Variants in GNAI1 observed in about 807,000 individuals in gnomAD.
GNAI1 encodes G protein subunit alpha i1.
A neutral mutation model predicts 38.9 loss-of-function variants in GNAI1; 11 were observed. That is an observed-to-expected ratio of 0.28 (90% CI 0.18 to 0.47). The LOEUF (loss-of-function observed/expected upper bound fraction) is 0.47, where lower values mean the gene tolerates loss of function less well. Ranked by LOEUF, GNAI1 falls within the 20% of genes least tolerant of loss-of-function variation. The pLI is 0.99. For synonymous variants in GNAI1, 166 were observed against 145.1 expected (o/e 1.14, Z -1.04); for missense variants, 317 against 436.9 (o/e 0.73, Z 2.45).
In GNAI1 at chr7:80,221,647, T is replaced by A. The variant is rs1162379591; in HGVS notation, c.*4154T>A. Among the ~76,000 whole-genome samples, 38 of 140,336 alleles carry A rather than the reference T, an allele frequency of 2.7e-4. No homozygotes were observed. The highest frequency in any genetic ancestry group is 7.2e-4 in the South Asian group (3 of 4,146). 92.1% of individuals were successfully genotyped at this position (140,336 alleles called of 152,430 possible). A position where few individuals can be genotyped will look rare whatever the true frequency, so the allele number is the denominator to read the frequency against. On this transcript the variant is annotated 3_prime_UTR_variant, in exon 8 of 8. Transcript: ENST00000649796. ...AGGTTGGAAATTTTCTTTTTTTTTT[T>A]TTTTTTTTTTTTTTGGTATGGAGTC...
At chr7:80,210,433 T>C (rs1788852988) in intron 5 of GNAI1, among the ~76,000 whole-genome samples, 1 of 152,176 alleles carries the variant, frequency 6.6e-6, no homozygotes, top group Non-Finnish European at 1.5e-5. Flanking sequence ...TTTCATTTGC[T>C]TGCCCTACAT....
At chr7:80,211,433 T>G (rs1018017653) in intron 6 of GNAI1, among the ~76,000 whole-genome samples, 3 of 151,836 alleles carry the variant, frequency 2.0e-5, no homozygotes, top group African/African-American at 7.3e-5. Flanking sequence ...TTTTTTTTTT[T>G]TTTGAGACGG....
chr7:80,217,442 T>C lies in GNAI1; in HGVS notation c.1014T>C (p.Ala338=). The change falls in exon 8 of 8, where the codon GCT becomes GCC. Residue 338 remains alanine (A), a synonymous_variant. Coordinates refer to ENST00000649796, the MANE Select transcript of GNAI1 (RefSeq NM_002069.6). The part of the protein sequence containing the change: ...DTKNVQFVFD[A]VTDVIIKNNL... ...AGAATGTGCAGTTTGTTTTTGATGC[T>C]GTAACAGATGTCATCATAAAAAATA... 1.9e-6 allele frequency: 3 copies of C among 1,608,996 alleles called. No homozygotes were observed. Among genetic ancestry groups the C allele is most frequent in the Non-Finnish European group, 2.5e-6 (3 of 1,177,744 alleles).
At chr7:80,152,548 G>T (rs1208974640) in intron 1 of GNAI1, among the ~76,000 whole-genome samples, 1 of 149,466 alleles carries the variant, frequency 6.7e-6, no homozygotes, top group Non-Finnish European at 1.5e-5. Flanking sequence ...GGGTAGATTC[G>T]GTCTCAATTC....
chr7:80,191,572 A>G (rs978758271), intron 3 of GNAI1, among the ~76,000 whole-genome samples: 1 of 152,044 alleles, frequency 6.6e-6, no homozygotes, highest in Admixed American at 6.6e-5. Flanking sequence ...TTGTATTTTT[A>G]GTAAAGATGG....
rs544750056 is a variant in GNAI1, at chr7:80,177,224, G to A, written c.119-11727G>A. Among the ~76,000 whole-genome samples, 36 of 151,726 alleles carry A rather than the reference G, an allele frequency of 2.4e-4. 1 individual carries two copies. The South Asian group carries it at 7.1e-3, about 30-fold the overall frequency. Reference sequence around the variant, plus strand: ...TTTTTGTATTTTTAGTAGAGACGGGGTTTCACCGTGTTAGCCAGGATGGTC... The same window carrying A: ...TTTTTGTATTTTTAGTAGAGACGGGATTTCACCGTGTTAGCCAGGATGGTC... On this transcript the variant is annotated intron_variant, in intron 1 of 7. Transcript: ENST00000649796.
intron 7 of GNAI1, among the ~76,000 whole-genome samples, chr7:80,217,003 A>G (rs565037808): frequency 6.6e-6 from 1 of 152,228 alleles, no homozygotes; most frequent in South Asian, 2.1e-4. Flanking sequence ...GGATAAGAGG[A>G]TAAAAGATCT....
chr7:80,150,190 C>G (rs769346324), intron 1 of GNAI1, among the ~76,000 whole-genome samples: 1 of 151,994 alleles, frequency 6.6e-6, no homozygotes, highest in South Asian at 2.1e-4. Flanking sequence ...GGTATAGATT[C>G]CAGAGAAAGT....
At position 80,171,728 on chromosome 7, in the gene GNAI1, G is replaced by T. The variant is rs183057467; in HGVS notation, c.119-17223G>T. ...TTGCTTCTGTATAACTTCTGTTTTT[G>T]ATTTTAAATTTCAGTGTCTTAGTTA... On this transcript the variant is annotated intron_variant, in intron 1 of 7. Transcript: ENST00000649796. Among the ~76,000 whole-genome samples the T allele has an allele frequency of 4.6e-5, 7 of 152,222 alleles. No individual in the cohort carries two copies. The East Asian group carries it at 1.4e-3, about 29-fold the overall frequency.
At chr7:80,215,557 A>C (rs1788944391) in intron 7 of GNAI1, among the ~76,000 whole-genome samples, 1 of 152,214 alleles carries the variant, frequency 6.6e-6, no homozygotes, top group African/African-American at 2.4e-5. Context: ...GTCATAGCAC[A>C]TTACACAACA....
In GNAI1 at chr7:80,217,596, C is replaced by T. The variant is rs1164724280; in HGVS notation, c.*103C>T. 1.7e-6 allele frequency: 1 copy of T among 594,232 alleles called. No individual in the cohort carries two copies. The highest frequency in any genetic ancestry group is 1.9e-5 in the African/African-American group (1 of 52,244). 36.8% of individuals were successfully genotyped at this position (594,232 alleles called of 1,614,324 possible). On this transcript the variant is annotated 3_prime_UTR_variant, in exon 8 of 8. Coordinates refer to ENST00000649796, the MANE Select transcript of GNAI1 (RefSeq NM_002069.6). ...CAGCAACACAGAATGTAATATAAGG[C>T]AAATGCATCTGGGACTTGACCAAAG...
chr7:80,164,569 A>AGC (rs376039081), intron 1 of GNAI1, among the ~76,000 whole-genome samples: 26 of 151,646 alleles, frequency 1.7e-4, no homozygotes, highest in African/African-American at 2.9e-4. Flanking sequence ...TCACCGTGTT[A>AGC]GCCAGGATGG....
intron 1 of GNAI1, among the ~76,000 whole-genome samples, chr7:80,152,798 C>T (rs1026805324): frequency 6.6e-6 from 1 of 151,896 alleles, no homozygotes; most frequent in Non-Finnish European, 1.5e-5. Context: ...CTCCTGATCT[C>T]CTGACCTCCT....
At chr7:80,206,135 A>G (rs1286958377) in intron 5 of GNAI1, among the ~76,000 whole-genome samples, 2 of 152,062 alleles carry the variant, frequency 1.3e-5, no homozygotes, top group African/African-American at 4.8e-5. Context: ...ATTTGTTACT[A>G]TCACTTGTCA....
intron 1 of GNAI1, among the ~76,000 whole-genome samples, chr7:80,136,460 G>C (rs1475419844): frequency 6.6e-6 from 1 of 152,082 alleles, no homozygotes; most frequent in Non-Finnish European, 1.5e-5. Flanking sequence ...TAGTAGGCTT[G>C]GGAGCAGCAA....
chr7:80,176,830 G>C (rs897604058), intron 1 of GNAI1, among the ~76,000 whole-genome samples: 2 of 150,474 alleles, frequency 1.3e-5, no homozygotes, highest in Non-Finnish European at 3.0e-5. Context: ...CCAGCTACTC[G>C]GGAGGCTGAG....
chr7:80,222,474 G>A lies in GNAI1; in HGVS notation c.*4981G>A, dbSNP rs1005918281. Among the ~76,000 whole-genome samples the A allele has an allele frequency of 3.5e-5, 5 of 144,506 alleles. No individual in the cohort carries two copies. Among genetic ancestry groups the A allele is most frequent in the South Asian group, 2.2e-4 (1 of 4,524 alleles). The allele number at this position is 144,506 out of a possible 152,430, so 94.8% of individuals were successfully genotyped here. On this transcript the variant is annotated 3_prime_UTR_variant, in exon 8 of 8. Coordinates refer to ENST00000649796, the MANE Select transcript of GNAI1 (RefSeq NM_002069.6). Reference sequence around the variant, plus strand: ...GCGATCTCGGCTCACCGCAACATCCGCCTCCCGGGTACAAGCAATTCTCCT... The same window carrying A: ...GCGATCTCGGCTCACCGCAACATCCACCTCCCGGGTACAAGCAATTCTCCT...
intron 3 of GNAI1, among the ~76,000 whole-genome samples, chr7:80,189,786 GA>G (rs1286768778): frequency 6.6e-6 from 1 of 152,072 alleles, no homozygotes; most frequent in Non-Finnish European, 1.5e-5. Flanking sequence ...ATTTTGCCAA[GA>G]AAGAAACTAG....
intron 5 of GNAI1, among the ~76,000 whole-genome samples, chr7:80,206,999 A>G (rs1475762584): frequency 6.6e-6 from 1 of 152,092 alleles, no homozygotes; most frequent in Non-Finnish European, 1.5e-5. Context: ...GAGCTACTGT[A>G]TTTCTAACCA....
Sources: allele counts gnomAD v4.1 joint callset (sites outside exome capture counted in the v4.1 genomes callset), GRCh38; gene constraint gnomAD v4.1.1; transcripts MANE v1.5; gene names NCBI Gene and HGNC (gene_info 2026-07-23, HGNC 2026-07-21).